Variants in PHF8 observed in about 807,000 individuals in gnomAD.
PHF8 encodes the protein histone lysine demethylase PHF8.
In PHF8, 9 loss-of-function variants were observed where a neutral mutation model predicts 74.4. The observed-to-expected ratio is 0.12, with a 90% CI of 0.07 to 0.21. The LOEUF (loss-of-function observed/expected upper bound fraction) is 0.21, where lower values mean the gene tolerates loss of function less well. Ranked by LOEUF, PHF8 falls within the 10% of genes least tolerant of loss-of-function variation. The pLI is 1.00. For synonymous variants in PHF8, 311 were observed against 316.6 expected, an observed-to-expected ratio of 0.98 and a Z score of 0.19; for missense variants, 478 against 816.6, an observed-to-expected ratio of 0.59 and a Z score of 5.05.
intron 14 of PHF8, 37 bp from the exon 15 acceptor site, chrX:53,987,981 G>A: frequency 9.6e-7 from 1 of 1,038,087 alleles, no homozygotes; most frequent in Non-Finnish European, 1.3e-6. Flanking sequence ...GTCACTAGCA[G>A]TATTGTTAGT....
chrX:54,040,492 C>A (rs782657449), intron 2 of PHF8, among the ~76,000 whole-genome samples: 1 of 111,985 alleles, frequency 8.9e-6, no homozygotes, highest in African/African-American at 3.2e-5. Flanking sequence ...TAAATAATTA[C>A]TTTTTAATAA....
chrX:54,042,657 G>A lies in PHF8; in HGVS notation c.72C>T (p.Asp24=), dbSNP rs782119290. 2 of 1,209,176 alleles carry A rather than the reference G, an allele frequency of 1.7e-6. No homozygotes were observed. The highest frequency in any genetic ancestry group is 1.8e-5 in the African/African-American group (1 of 57,086). Residue 24 remains aspartate, a synonymous_variant, in exon 2 of 22, where the codon GAC becomes GAT. Transcript: ENST00000338154. ...YDVTRFMIEC[D]MCQDWFHGSC... ...TGCCATGAAACCAGTCCTGGCACAT[G>A]TCACACTCGATCATGAAGCGGGTCA...
At position 53,937,758 on chromosome X, in the gene PHF8, C is replaced by T; in HGVS notation, c.*1400G>A. On this transcript the variant is annotated 3_prime_UTR_variant, in exon 22 of 22. Coordinates refer to ENST00000338154, the MANE Select transcript of PHF8 (RefSeq NM_015107.3). The stretch of plus-strand genomic sequence containing the variant: ...TGGTAGCTATTAAATTCCCCAGAAG[C>T]ATTGGGCAAGCTGGGGTGAGGTTGG... 2.6e-6 allele frequency: 1 copy of T among 381,422 alleles called. No homozygotes were observed. The highest frequency in any genetic ancestry group is 4.1e-5 in the East Asian group (1 of 24,619). 31.4% of individuals were successfully genotyped at this position (381,422 alleles called of 1,213,427 possible).
In PHF8 at chrX:54,002,279, C is replaced by G; in HGVS notation, c.1035-18G>C. On this transcript the variant is annotated intron_variant, in intron 9 of 21. Transcript: ENST00000338154. ...CATAGGCTCTAGAAGGAGGAAACAC[C>G]AACAACAAAAACAAGGATTCATTTA... 1 of 1,022,501 alleles carries G rather than the reference C, an allele frequency of 9.8e-7. No homozygotes were observed. The highest frequency in any genetic ancestry group is 3.0e-5 in the East Asian group (1 of 33,052). The allele number at this position is 1,022,501 out of a possible 1,213,427, so 84.3% of individuals were successfully genotyped here.
At chrX:54,043,093 C>T (rs781783133) in intron 1 of PHF8, 14 of 802,459 alleles carry the variant, frequency 1.7e-5, no homozygotes, top group Admixed American at 6.1e-5. Context: ...AACTTCTTTC[C>T]GGGTTTCAAG....
At chrX:53,986,846 G>A (rs1307445203) in intron 16 of PHF8, among the ~76,000 whole-genome samples, 3 of 111,012 alleles carry the variant, frequency 2.7e-5, no homozygotes, top group Non-Finnish European at 3.8e-5. Flanking sequence ...AGGCTGAGCT[G>A]GCCCCGGAGG....
intron 19 of PHF8, among the ~76,000 whole-genome samples, chrX:53,958,184 G>C (rs1349447351): frequency 9.2e-6 from 1 of 108,888 alleles, no homozygotes; most frequent in African/African-American, 3.3e-5. Flanking sequence ...TGGGACTACA[G>C]GCGTGCGCCA....
chrX:53,943,517 A>G (rs1017145099), intron 20 of PHF8: 12 of 715,585 alleles, frequency 1.7e-5, no homozygotes, highest in Non-Finnish European at 2.1e-5. Context: ...GCTCTAAGCT[A>G]TAGGATATGG....
intron 2 of PHF8, among the ~76,000 whole-genome samples, chrX:54,023,656 C>T (rs1035688161): frequency 1.9e-5 from 2 of 107,718 alleles, no homozygotes; most frequent in African/African-American, 6.8e-5. Flanking sequence ...CACTTGAGCC[C>T]AGGAGTTCAA....
intron 18 of PHF8, among the ~76,000 whole-genome samples, chrX:53,969,787 A>G (rs2065265732): frequency 8.9e-6 from 1 of 112,097 alleles, no homozygotes; most frequent in Non-Finnish European, 1.9e-5. Flanking sequence ...ATGGGCCAAC[A>G]GAACAGCATA....
intron 2 of PHF8, among the ~76,000 whole-genome samples, chrX:54,039,103 C>A (rs2066509423): frequency 1.0e-5 from 1 of 96,249 alleles, no homozygotes; most frequent in Non-Finnish European, 2.0e-5. Flanking sequence ...CACTGCACTG[C>A]AGCTTGGGCA....
At chrX:54,044,882 C>T (rs1358566504), upstream of PHF8, 4 of 1,156,910 alleles carry the variant, frequency 3.5e-6, no homozygotes, top group Non-Finnish European at 3.5e-6. Context: ...CACCGCGGCT[C>T]CTGTTCATTG....
chrX:53,949,196 G>A (rs2064879866), intron 19 of PHF8, among the ~76,000 whole-genome samples: 1 of 110,222 alleles, frequency 9.1e-6, no homozygotes, highest in Non-Finnish European at 1.9e-5. Flanking sequence ...TTAGCCAGGT[G>A]TGGTGGCACG....
chrX:53,947,621 C>G (rs7065696), intron 19 of PHF8, among the ~76,000 whole-genome samples: 15,710 of 111,576 alleles, frequency 0.14, 1,214 homozygotes, highest in African/African-American at 0.29. Flanking sequence ...CAAATCCCAT[C>G]ACACCTTTCC....
chrX:53,991,887 A>G (rs1315164112), intron 14 of PHF8, among the ~76,000 whole-genome samples: 1 of 110,371 alleles, frequency 9.1e-6, no homozygotes, highest in African/African-American at 3.3e-5. Context: ...TTATTTGCCT[A>G]AATGTACATA....
intron 19 of PHF8, among the ~76,000 whole-genome samples, chrX:53,952,189 C>T (rs1446351862): frequency 2.8e-5 from 3 of 108,504 alleles, no homozygotes; most frequent in Non-Finnish European, 5.7e-5. Context: ...TAGGCTGAGG[C>T]AGGAGAATTG....
At chrX:54,020,473 G>GT (rs782127541) in intron 4 of PHF8, among the ~76,000 whole-genome samples, 105 of 111,420 alleles carry the variant, frequency 9.4e-4, no homozygotes, top group African/African-American at 3.4e-3. Flanking sequence ...AAGAACATCT[G>GT]TATGTGCTAT....
chrX:54,010,318 T>A (rs2065964958), intron 8 of PHF8, among the ~76,000 whole-genome samples: 1 of 110,752 alleles, frequency 9.0e-6, no homozygotes, highest in Admixed American at 9.7e-5. Flanking sequence ...AGAGTGAAAC[T>A]CCATCTCAAA....
chrX:54,012,020 T>C (rs1557106891), intron 7 of PHF8, among the ~76,000 whole-genome samples: 1 of 111,091 alleles, frequency 9.0e-6, no homozygotes, highest in East Asian at 2.8e-4. Flanking sequence ...TTGAATCAGG[T>C]CTGTAGATTA....
Sources: gnomAD v4.1 joint callset for allele counts (sites outside exome capture counted in the v4.1 genomes callset) on GRCh38, gnomAD v4.1.1 for gene constraint, MANE v1.5 for transcripts, NCBI Gene and HGNC (gene_info 2026-07-23, HGNC 2026-07-21) for gene names.